The following VEGFC variants were observed in gnomAD, a reference collection of about 807,000 sequenced individuals.
VEGFC encodes vascular endothelial growth factor C.
A neutral mutation model predicts 46.1 loss-of-function variants in VEGFC; 12 were observed. That is an observed-to-expected ratio of 0.26 (90% confidence interval 0.17 to 0.42). The LOEUF (loss-of-function observed/expected upper bound fraction) is 0.42. Among genes scored for constraint, VEGFC ranks in the 10% least tolerant of loss-of-function variants. VEGFC has a pLI of 1.00. For synonymous variants in VEGFC, 232 were observed against 195.5 expected (o/e 1.19, Z -1.56); for missense variants, 488 against 529.4 (o/e 0.92, Z 0.77).
rs1384805252 is a variant in VEGFC at position 176,692,434 on chromosome 4, G to A, written c.705-4507C>T. Reference sequence around the variant, plus strand: ...AACAAACAAAAAAAAAACAAAAAACGGCACACCACGAGATTATACCCGCAC... The same window carrying A: ...AACAAACAAAAAAAAAACAAAAAACAGCACACCACGAGATTATACCCGCAC... On this transcript the variant is annotated intron_variant, in intron 4 of 6. Coordinates refer to ENST00000618562, the MANE Select transcript of VEGFC (RefSeq NM_005429.5). Among the ~76,000 whole-genome samples, 8 of 125,384 alleles carry A rather than the reference G, an allele frequency of 6.4e-5. 1 individual carries two copies. The highest frequency in any genetic ancestry group is 1.5e-4 in the Admixed American group (2 of 13,322). The allele number at this position is 125,384 out of a possible 152,430, so 82.3% of individuals were successfully genotyped here. A position where few individuals can be genotyped will look rare whatever the true frequency, so the allele number is the denominator to read the frequency against.
chr4:176,705,493 A>G (rs1341992513), intron 4 of VEGFC, among the ~76,000 whole-genome samples: 3 of 152,174 alleles, frequency 2.0e-5, no homozygotes, highest in Non-Finnish European at 2.9e-5. Context: ...GAAATGTTAG[A>G]AGATATTGGG....
intron 4 of VEGFC, among the ~76,000 whole-genome samples, chr4:176,702,225 G>A (rs958196898): frequency 2.0e-5 from 3 of 152,030 alleles, no homozygotes; most frequent in African/African-American, 7.2e-5. Context: ...CTTCTTGCAA[G>A]CAAATAAGTT....
intron 1 of VEGFC, among the ~76,000 whole-genome samples, chr4:176,756,378 T>C (rs1409772912): frequency 2.0e-5 from 3 of 152,132 alleles, no homozygotes; most frequent in Admixed American, 1.3e-4. Flanking sequence ...AAATGAAGTG[T>C]TGATGACAAT....
chr4:176,762,607 G>C (rs1560958925), intron 1 of VEGFC, among the ~76,000 whole-genome samples: 1 of 152,166 alleles, frequency 6.6e-6, no homozygotes, highest in Non-Finnish European at 1.5e-5. Context: ...GTTTCTAACA[G>C]TTCGGTAGAA....
intron 4 of VEGFC, among the ~76,000 whole-genome samples, chr4:176,690,401 TCA>T (rs1734134927): frequency 6.6e-6 from 1 of 152,130 alleles, no homozygotes; most frequent in Non-Finnish European, 1.5e-5. Flanking sequence ...ATATGTTTTT[TCA>T]CATTTTGTTA....
chr4:176,721,407 T>A (rs1296812211), intron 3 of VEGFC, among the ~76,000 whole-genome samples: 7 of 152,046 alleles, frequency 4.6e-5, no homozygotes. Context: ...TTTAGCAGTA[T>A]CTGACTTAGC....
At chr4:176,733,258 T>G (rs565761984) in intron 1 of VEGFC, among the ~76,000 whole-genome samples, 1 of 152,084 alleles carries the variant, frequency 6.6e-6, no homozygotes, top group Non-Finnish European at 1.5e-5. Flanking sequence ...TCCTGTATAG[T>G]ATCTGTTTAG....
At chr4:176,737,818 T>C (rs1408870241) in intron 1 of VEGFC, among the ~76,000 whole-genome samples, 2 of 151,862 alleles carry the variant, frequency 1.3e-5, no homozygotes, top group African/African-American at 4.8e-5. Flanking sequence ...TTATATATCT[T>C]TATAAGCTAC....
chr4:176,687,794 T>G (rs779897422), intron 5 of VEGFC, 27 bp downstream of exon 5: 3 of 1,501,578 alleles, frequency 2.0e-6, no homozygotes, highest in Admixed American at 1.8e-5. Context: ...CCCTGGCGTT[T>G]AGTCTTTAAA....
intron 1 of VEGFC, among the ~76,000 whole-genome samples, chr4:176,730,179 G>A (rs1012771071): frequency 5.3e-5 from 8 of 152,116 alleles, no homozygotes; most frequent in Non-Finnish European, 1.0e-4. Flanking sequence ...GGATGCTTGA[G>A]AGTAGGAATT....
chr4:176,733,231 A>G (rs1734997232), intron 1 of VEGFC, among the ~76,000 whole-genome samples: 1 of 151,948 alleles, frequency 6.6e-6, no homozygotes, highest in African/African-American at 2.4e-5. Flanking sequence ...TTAAACATAT[A>G]CTTACTAAAA....
chr4:176,765,679 C>T (rs935323977), intron 1 of VEGFC, among the ~76,000 whole-genome samples: 1 of 151,756 alleles, frequency 6.6e-6, no homozygotes, highest in African/African-American at 2.4e-5. Flanking sequence ...CCTCAGCCTC[C>T]CGAGTAGCTG....
intron 3 of VEGFC, among the ~76,000 whole-genome samples, chr4:176,725,307 GT>G (rs1734855568): frequency 6.6e-6 from 1 of 152,108 alleles, no homozygotes; most frequent in South Asian, 2.1e-4. Flanking sequence ...GCTCTGTGGG[GT>G]TTTTTTGTTT....
chr4:176,765,843 G>A lies in VEGFC; in HGVS notation c.147+26322C>T, dbSNP rs192582602. ...GCTGGGATTACAGGAGTGAGCCACC[G>A]TGCCCGGCCCCAAAGACAGAATTTT... On this transcript the variant is annotated intron_variant, in intron 1 of 6. Coordinates refer to ENST00000618562, the MANE Select transcript of VEGFC (RefSeq NM_005429.5). Among the ~76,000 whole-genome samples, 504 of 152,034 alleles carry A rather than the reference G, an allele frequency of 3.3e-3. 4 individuals carry two copies. Among genetic ancestry groups the A allele is most frequent in the Admixed American group, 7.7e-3 (118 of 15,262 alleles).
chr4:176,792,158 G>C lies in VEGFC; in HGVS notation c.147+7C>G, dbSNP rs1460383834. On this transcript the variant is annotated splice_region_variant and intron_variant, in intron 1 of 6. Coordinates refer to ENST00000618562, the MANE Select transcript of VEGFC (RefSeq NM_005429.5). This position sits in a 1 kb window ranked among gnomAD's most constrained non-coding sequence, Gnocchi z 6.3. The stretch of plus-strand genomic sequence containing the variant: ...CGGGTTCTCCGCAAACCCTAACGCA[G>C]ACCTACCGTGGCCTCGCCCGCGTCG... 1.3e-6 allele frequency: 2 copies of C among 1,490,204 alleles called. No individual in the cohort carries two copies. The highest frequency in any genetic ancestry group is 1.5e-5 in the African/African-American group (1 of 68,078). 92.3% of individuals were successfully genotyped at this position (1,490,204 alleles called of 1,614,324 possible). A position where few individuals can be genotyped will look rare whatever the true frequency, so the allele number is the denominator to read the frequency against.
chr4:176,699,767 A>T (rs1251482099), intron 4 of VEGFC, among the ~76,000 whole-genome samples: 1 of 152,248 alleles, frequency 6.6e-6, no homozygotes, highest in Non-Finnish European at 1.5e-5. Context: ...ATTCAACGTT[A>T]TTAAGTAACT....
chr4:176,723,755 T>TCATGTCATGGGGGTTG (rs1560946239), intron 3 of VEGFC, among the ~76,000 whole-genome samples: 3 of 150,698 alleles, frequency 2.0e-5, no homozygotes, highest in African/African-American at 4.9e-5. Flanking sequence ...ATAGGTAAAC[T>TCATGTCATGGGGGTTG]TTTATTTTAG....
chr4:176,785,173 A>G (rs1183640499), intron 1 of VEGFC, among the ~76,000 whole-genome samples: 1 of 152,202 alleles, frequency 6.6e-6, no homozygotes, highest in Non-Finnish European at 1.5e-5. Flanking sequence ...ACTATTGCAT[A>G]AAAGTAAGAG....
chr4:176,787,456 C>CAAAA (rs11456080), intron 1 of VEGFC, among the ~76,000 whole-genome samples: 3 of 114,238 alleles, frequency 2.6e-5, no homozygotes, highest in East Asian at 2.5e-4. Flanking sequence ...GACCCTGTCT[C>CAAAA]AAAAAAAAAA....
Sources: gnomAD v4.1 joint callset for allele counts (sites outside exome capture counted in the v4.1 genomes callset) on GRCh38, gnomAD v4.1.1 for gene constraint, Gnocchi (gnomAD v3.1) non-coding constraint, MANE v1.5 for transcripts, NCBI Gene and HGNC (gene_info 2026-07-23, HGNC 2026-07-21) for gene names.